Variants in DPF1 observed in about 807,000 individuals in gnomAD.
The protein encoded by DPF1 is double PHD fingers 1.
A neutral mutation model predicts 58.7 loss-of-function variants in DPF1; 14 were observed. The ratio of observed to expected loss-of-function variants is 0.24; its 90% CI spans 0.16 to 0.37. DPF1 has a LOEUF of 0.37. DPF1 is among the 10% of genes least tolerant of loss of function. The pLI is 1.00. For missense variants in DPF1, 345 were observed against 529.9 expected, an observed-to-expected ratio of 0.65 and a Z score of 3.43; for synonymous variants, 216 against 216.0, an observed-to-expected ratio of 1.00 and a Z score of 0.00.
chr19:38,217,682 GC>G, intron 6 of DPF1, 91 bp from the exon 7 acceptor site: 1 of 1,549,110 alleles, frequency 6.5e-7, no homozygotes, highest in Non-Finnish European at 8.7e-7. Context: ...TCCCCCCTCA[GC>G]CAGAGACCTG....
chr19:38,213,902 G>A, intron 9 of DPF1, 146 bp from the exon 10 acceptor site: 1 of 632,624 alleles, frequency 1.6e-6, no homozygotes, highest in Non-Finnish European at 2.7e-6. Flanking sequence ...CCCCACACCT[G>A]CCCAGCAACC....
At chr19:38,226,402 C>T (rs576909535), upstream of DPF1, among the ~76,000 whole-genome samples, 1 of 151,054 alleles carries the variant, frequency 6.6e-6, no homozygotes, top group Non-Finnish European at 1.5e-5. Context: ...AGGGGGCGCC[C>T]CAGCCGACAG....
Position 38,222,239 on chromosome 19 carries a change from G to T in DPF1, c.298+118C>A. ...GAAACACCCGGGACGCACATGGGCAGACAGACACACAGCCAGCCAGGCAGA... is the reference window on the plus strand; with the variant it reads ...GAAACACCCGGGACGCACATGGGCATACAGACACACAGCCAGCCAGGCAGA... On this transcript the variant is annotated intron_variant, in intron 3 of 11. Coordinates refer to ENST00000355526, the MANE Select transcript of DPF1 (RefSeq NM_001135155.3). The surrounding 1 kb of genome is among the most constrained non-coding windows in gnomAD (Gnocchi z 4.9). 1 of 916,656 alleles carries T rather than the reference G, an allele frequency of 1.1e-6. No individual in the cohort carries two copies. The highest frequency in any genetic ancestry group is 1.6e-5 in the South Asian group (1 of 64,404). The allele number at this position is 916,656 out of a possible 1,614,324, so 56.8% of individuals were successfully genotyped here.
At chr19:38,217,364 A>C in intron 7 of DPF1, 96 bp downstream of exon 7, 32 of 1,370,864 alleles carry the variant, frequency 2.3e-5, no homozygotes, top group Non-Finnish European at 2.2e-5. Flanking sequence ...GAGATTTTCC[A>C]GAAATGTCTA....
At chr19:38,227,374 G>A (rs546961760), upstream of DPF1, among the ~76,000 whole-genome samples, 2 of 143,164 alleles carry the variant, frequency 1.4e-5, no homozygotes, top group African/African-American at 2.5e-5. Context: ...CACCATGCCC[G>A]GCCCACCAGC....
chr19:38,216,264 A>G lies in DPF1; in HGVS notation c.779-5T>C. The stretch of plus-strand genomic sequence containing the variant: ...TGCCGTCGGGCGCCTTCTTGGCTGC[A>G]AGACAGCAGACAGGCATTGGCACGG... On this transcript the variant is annotated splice_polypyrimidine_tract_variant and splice_region_variant and intron_variant, in intron 8 of 11. Transcript: ENST00000355526. The G allele has an allele frequency of 3.1e-6, 5 of 1,614,024 alleles. No homozygotes were observed. Among genetic ancestry groups the G allele is most frequent in the Non-Finnish European group, 4.2e-6 (5 of 1,179,884 alleles).
rs145759787 is a variant in DPF1, at chr19:38,216,177, G to A, written c.861C>T (p.Pro287=). 3.7e-5 allele frequency: 60 copies of A among 1,613,938 alleles called. 1 individual carries two copies. Among genetic ancestry groups the A allele is most frequent in the South Asian group, 1.8e-4 (16 of 91,076 alleles). The change falls in exon 9 of 12, where the codon CCC becomes CCT. Residue 287 remains proline, a synonymous_variant. Transcript: ENST00000355526. ...AGTCCGCACAGGAGATGAGGTCCTC[G>A]GGACACCCCGTCTTCTTGGAGCCCC... ...CLGGSKKTGC[P]EDLISCADCG... is the part of the protein sequence containing the mutation.
chr19:38,219,100 C>A (rs1223727707), intron 3 of DPF1, 42 bp from the exon 4 acceptor site: 4 of 1,608,706 alleles, frequency 2.5e-6, no homozygotes, highest in Non-Finnish European at 3.4e-6. Context: ...GGAAGTTGAC[C>A]CCGGAGGACT....
Position 38,222,488 on chromosome 19 carries a change from G to A in DPF1, c.191-24C>T. The A allele has an allele frequency of 6.3e-7, 1 of 1,580,906 alleles. No individual in the cohort carries two copies. Among genetic ancestry groups the A allele is most frequent in the Non-Finnish European group, 8.6e-7 (1 of 1,169,114 alleles). On this transcript the variant is annotated intron_variant, in intron 2 of 11. Transcript: ENST00000355526. The surrounding 1 kb of genome is among the most constrained non-coding windows in gnomAD (Gnocchi z 4.9). ...ACCTGGAGAGAGAGGGGGGTGAGAGGGCGGCGGCGGTGGGGCGGCCTGGCC... is the reference window on the plus strand; with the variant it reads ...ACCTGGAGAGAGAGGGGGGTGAGAGAGCGGCGGCGGTGGGGCGGCCTGGCC...
Position 38,211,759 on chromosome 19 carries a change from C to A in DPF1, c.*304G>T. On this transcript the variant is annotated 3_prime_UTR_variant, in exon 12 of 12. Transcript: ENST00000355526. The surrounding 1 kb of genome is among the most constrained non-coding windows in gnomAD (Gnocchi z 4.0). ...TTTAGAAAAAGGCTCTGTCCATGCCCCTGGCTGGCACCCACCACCCCCCAT... is the reference window on the plus strand; with the variant it reads ...TTTAGAAAAAGGCTCTGTCCATGCCACTGGCTGGCACCCACCACCCCCCAT... 2.2e-6 allele frequency: 1 copy of A among 455,482 alleles called. No individual in the cohort carries two copies. The highest frequency in any genetic ancestry group is 3.9e-6 in the Non-Finnish European group (1 of 257,114). 28.2% of individuals were successfully genotyped at this position (455,482 alleles called of 1,614,324 possible).
rs369812582 is a variant in DPF1, at chr19:38,218,898, C to CA, written c.426+32dup. 2.3e-5 allele frequency: 37 copies of CA among 1,612,024 alleles called. No homozygotes were observed. The Middle Eastern group carries it at 9.9e-4, about 43-fold the overall frequency. ...GTGGCAGGCAGGGGTGAGACGAAGC[C>CA]ATGCAGCGGGGGTCCCCCAGAGGTG... is the stretch of plus-strand genomic sequence containing the variant. On this transcript the variant is annotated intron_variant, in intron 4 of 11. Coordinates refer to ENST00000355526, the MANE Select transcript of DPF1 (RefSeq NM_001135155.3).
At chr19:38,228,066 C>G (rs1166042158), upstream of DPF1, 1 of 152,568 alleles carries the variant, frequency 6.6e-6, no homozygotes, top group Non-Finnish European at 1.5e-5. Context: ...CCGTTCCCAG[C>G]CATTTTGCGG....
At chr19:38,217,328 G>T in intron 7 of DPF1, 132 bp downstream of exon 7, 3 of 1,250,292 alleles carry the variant, frequency 2.4e-6, no homozygotes, top group Middle Eastern at 5.6e-4. Context: ...CCCCATGGTC[G>T]GTGGGGGGAG....
At chr19:38,227,761 T>C (rs1967889831), upstream of DPF1, among the ~76,000 whole-genome samples, 1 of 152,182 alleles carries the variant, frequency 6.6e-6, no homozygotes, top group African/African-American at 2.4e-5. Flanking sequence ...GGAACATTCG[T>C]GGCTCAAGCT....
intron 7 of DPF1, 38 bp downstream of exon 7, chr19:38,217,403 GCTCCTCTTCCCCACTCCCA>G: frequency 1.5e-6 from 2 of 1,343,130 alleles, no homozygotes; most frequent in African/African-American, 1.6e-5. Flanking sequence ...CCCCAGCTGG[GCTCCTCTTCCCCACTCCCA>G]GGGCCCCTGG....
chr19:38,217,377 G>GACCCC, intron 7 of DPF1, 83 bp downstream of exon 7: 1 of 774,482 alleles, frequency 1.3e-6, no homozygotes, highest in Non-Finnish European at 1.9e-6. Flanking sequence ...AATGTCTAAT[G>GACCCC]CCCCCCCACC....
rs768795140 is a variant in DPF1 at position 38,212,376 on chromosome 19, C to T, written c.1012-15G>A. 2 of 1,440,344 alleles carry T rather than the reference C, an allele frequency of 1.4e-6. No homozygotes were observed. The highest frequency in any genetic ancestry group is 1.8e-6 in the Non-Finnish European group (2 of 1,095,564). The allele number at this position is 1,440,344 out of a possible 1,614,324, so 89.2% of individuals were successfully genotyped here. ...AGCAGCTGGTCCTGGGGGGTGAGACCCGCCCAGCTGGCACCCTGGGGGCAC... is the reference window on the plus strand; with the variant it reads ...AGCAGCTGGTCCTGGGGGGTGAGACTCGCCCAGCTGGCACCCTGGGGGCAC... On this transcript the variant is annotated splice_polypyrimidine_tract_variant and intron_variant, in intron 10 of 11. Transcript: ENST00000355526.
upstream of DPF1, among the ~76,000 whole-genome samples, chr19:38,224,459 A>G (rs1414362527): frequency 6.6e-6 from 1 of 152,098 alleles, no homozygotes; most frequent in East Asian, 1.9e-4. This position sits in a 1 kb window ranked among gnomAD's most constrained non-coding sequence, Gnocchi z 4.5. Flanking sequence ...GGACTCGCAC[A>G]CGCCCACGCA....
In DPF1 at chr19:38,222,857, G is replaced by C. The variant is rs555452773; in HGVS notation, c.30-149C>G. 10 of 1,200,602 alleles carry C rather than the reference G, an allele frequency of 8.3e-6. No homozygotes were observed. In the South Asian group the frequency reaches 1.2e-4, roughly 14 times the overall value. 74.4% of individuals were successfully genotyped at this position (1,200,602 alleles called of 1,614,324 possible). ...CACCTCTCCCCTCCTCCCACTCCGG[G>C]ACCCAGGCTGGGGGAAGGGGACAGG... On this transcript the variant is annotated intron_variant, in intron 1 of 11. Transcript: ENST00000355526. The surrounding 1 kb of genome is among the most constrained non-coding windows in gnomAD (Gnocchi z 4.9).
Sources: gnomAD v4.1 joint callset for allele counts (sites outside exome capture counted in the v4.1 genomes callset) on GRCh38, gnomAD v4.1.1 for gene constraint, Gnocchi (gnomAD v3.1) non-coding constraint, MANE v1.5 for transcripts, NCBI Gene and HGNC (gene_info 2026-07-23, HGNC 2026-07-21) for gene names.